Variants in OPCML observed in about 807,000 individuals in gnomAD.
OPCML encodes the protein opioid-binding protein/cell adhesion molecule.
In OPCML, 13 loss-of-function variants were observed where a neutral mutation model predicts 37.8. The observed-to-expected ratio is 0.34, with a 90% CI of 0.22 to 0.55. The LOEUF (loss-of-function observed/expected upper bound fraction) is 0.55. Ranked by LOEUF, OPCML falls within the 20% of genes least tolerant of loss-of-function variation. The pLI, the probability that OPCML is intolerant of heterozygous loss-of-function variation, is 0.91. For missense variants in OPCML, 341 were observed against 435.6 expected (o/e 0.78, Z 1.93); for synonymous variants, 176 against 168.8 (o/e 1.04, Z -0.33).
intron 2 of OPCML, among the ~76,000 whole-genome samples, chr11:132,811,248 A>G (rs117628837): frequency 0.016 from 2,437 of 152,276 alleles, 26 homozygotes; most frequent in Middle Eastern, 0.027. Context: ...TATTCTCTCC[A>G]TTAAAATCCT....
chr11:133,098,302 G>C (rs567521059), intron 1 of OPCML, among the ~76,000 whole-genome samples: 1 of 146,534 alleles, frequency 6.8e-6, no homozygotes, highest in Non-Finnish European at 1.5e-5. Context: ...TGCAAGCTCT[G>C]CCTCCCGCGT....
At chr11:132,969,108 C>T (rs1377609087) in intron 1 of OPCML, among the ~76,000 whole-genome samples, 2 of 151,938 alleles carry the variant, frequency 1.3e-5, no homozygotes, top group African/African-American at 4.8e-5. Context: ...CACCCCCCTC[C>T]CACCCTTCCC....
intron 1 of OPCML, among the ~76,000 whole-genome samples, chr11:132,992,373 A>C (rs571327529): frequency 2.0e-5 from 3 of 152,350 alleles, no homozygotes; most frequent in African/African-American, 7.2e-5. Flanking sequence ...GAGAAGAAAG[A>C]GAAACTCCTA....
intron 1 of OPCML, among the ~76,000 whole-genome samples, chr11:133,256,340 T>C (rs2136445660): frequency 6.6e-6 from 1 of 152,360 alleles, no homozygotes; most frequent in South Asian, 2.1e-4. Context: ...AATAATACCT[T>C]CCTTGTAGGA....
chr11:133,127,559 G>A (rs1054613731), intron 1 of OPCML, among the ~76,000 whole-genome samples: 1 of 151,932 alleles, frequency 6.6e-6, no homozygotes, highest in Admixed American at 6.6e-5. Flanking sequence ...CTTGAGCCCG[G>A]GAGGTGGAGG....
At chr11:132,641,017 A>G (rs1940822589) in intron 3 of OPCML, among the ~76,000 whole-genome samples, 1 of 152,190 alleles carries the variant, frequency 6.6e-6, no homozygotes, top group African/African-American at 2.4e-5. Context: ...GGATTGTTCC[A>G]GTATCCTCTG....
intron 1 of OPCML, among the ~76,000 whole-genome samples, chr11:133,141,729 A>G (rs1300855812): frequency 6.6e-6 from 1 of 152,188 alleles, no homozygotes; most frequent in African/African-American, 2.4e-5. Flanking sequence ...GCATATCTGA[A>G]GCTAAAATTA....
rs1555193663 is a variant in OPCML, at chr11:132,818,587, T to TTAGATAGA, written c.146+124331_146+124338dup. Among the ~76,000 whole-genome samples the TTAGATAGA allele has an allele frequency of 2.2e-5, 3 of 138,030 alleles. 1 individual carries two copies. Among genetic ancestry groups the TTAGATAGA allele is most frequent in the Admixed American group, 1.5e-4 (2 of 13,098 alleles). 90.6% of individuals were successfully genotyped at this position (138,030 alleles called of 152,430 possible). On this transcript the variant is annotated intron_variant, in intron 2 of 7. Transcript: ENST00000524381. ...CAATTCCCTAAAACCTCTCTCTCTC[T>TTAGATAGA]TAGATAGATAGATAGATAGATGATA...
intron 1 of OPCML, among the ~76,000 whole-genome samples, chr11:132,972,808 C>T (rs1177887162): frequency 1.3e-5 from 2 of 152,194 alleles, no homozygotes; most frequent in Admixed American, 6.5e-5. Context: ...TGGGAAACCG[C>T]AGCCCCCTGC....
intron 1 of OPCML, among the ~76,000 whole-genome samples, chr11:133,238,589 G>A (rs1013922226): frequency 6.6e-6 from 1 of 152,094 alleles, no homozygotes; most frequent in African/African-American, 2.4e-5. Context: ...TTGTGCTCCA[G>A]TGTCCTACCC....
Position 132,508,845 on chromosome 11 carries a change from A to T in OPCML, c.505+20216T>A, listed in dbSNP as rs1271004310. ...GGGTATGTCTTTATCAGCAGCGTGA[A>T]AATGGACTAATACAGTAAATTGGTA... On this transcript the variant is annotated intron_variant, in intron 4 of 7. Coordinates refer to ENST00000524381, the MANE Select transcript of OPCML (RefSeq NM_001012393.5). 3.9e-5 allele frequency among the ~76,000 whole-genome samples: 6 copies of T among 152,198 alleles called. No homozygotes were observed. In the South Asian group the frequency reaches 8.3e-4, roughly 21 times the overall value.
At chr11:133,439,193 G>A (rs2136934038) in intron 1 of OPCML, 1 of 736,196 alleles carries the variant, frequency 1.4e-6, no homozygotes, top group East Asian at 1.3e-4. Context: ...AGTCTTGTGG[G>A]ACTGAGCCCT....
Position 133,451,697 on chromosome 11 carries a change from G to A in OPCML, c.61+80567C>T, listed in dbSNP as rs140935784. ...GTCTCTACTAAAAATACAAAAATTC[G>A]CTGGGTGTGGTGGCGGGTGCCTGTA... On this transcript the variant is annotated intron_variant, in intron 1 of 7. Coordinates refer to ENST00000524381, the MANE Select transcript of OPCML (RefSeq NM_001012393.5). 9.3e-5 allele frequency among the ~76,000 whole-genome samples: 14 copies of A among 151,338 alleles called. No individual in the cohort carries two copies. The East Asian group carries it at 1.2e-3, about 13-fold the overall frequency.
intron 2 of OPCML, among the ~76,000 whole-genome samples, chr11:132,785,253 C>G (rs985491779): frequency 6.6e-6 from 1 of 152,200 alleles, no homozygotes; most frequent in East Asian, 1.9e-4. Flanking sequence ...TTACGTACTT[C>G]TCAGAGCAGT....
chr11:133,203,916 G>A (rs1482466241), intron 1 of OPCML, among the ~76,000 whole-genome samples: 1 of 151,922 alleles, frequency 6.6e-6, no homozygotes, highest in African/African-American at 2.4e-5. Context: ...AAATTAGCCA[G>A]GCATGGTGGT....
rs1040585558 is a variant in OPCML, at chr11:133,173,265, T to A, written c.62-230255A>T. Among the ~76,000 whole-genome samples the A allele has an allele frequency of 6.6e-6, 1 of 152,250 alleles. No homozygotes were observed. The highest frequency in any genetic ancestry group is 2.4e-5 in the African/African-American group (1 of 41,470). The stretch of plus-strand genomic sequence containing the variant: ...CTGTGAAGCATTTCTCAGAATGTTA[T>A]CATTAACATTGTTACAGCTATAATA... On this transcript the variant is annotated intron_variant, in intron 1 of 7. Transcript: ENST00000524381. The surrounding 1 kb of genome is among the most constrained non-coding windows in gnomAD (Gnocchi z 7.8).
At chr11:133,005,382 A>G (rs1947089410) in intron 1 of OPCML, 5 of 985,368 alleles carry the variant, frequency 5.1e-6, no homozygotes, top group African/African-American at 3.5e-5. Flanking sequence ...CGTTTCTCAG[A>G]TATCTGTCTA....
At chr11:132,895,763 C>A (rs1418207367) in intron 2 of OPCML, among the ~76,000 whole-genome samples, 1 of 152,080 alleles carries the variant, frequency 6.6e-6, no homozygotes, top group Non-Finnish European at 1.5e-5. Context: ...CTCCATGAGG[C>A]AGTTGCCAAG....
intron 3 of OPCML, among the ~76,000 whole-genome samples, chr11:132,655,879 T>A (rs572927718): frequency 1.7e-3 from 240 of 144,656 alleles, no homozygotes; most frequent in East Asian, 0.012. Flanking sequence ...TTTTTTTTTT[T>A]AAATCAGAGA....
Sources: gnomAD v4.1 joint callset for allele counts (sites outside exome capture counted in the v4.1 genomes callset) on GRCh38, gnomAD v4.1.1 for gene constraint, Gnocchi (gnomAD v3.1) non-coding constraint, MANE v1.5 for transcripts, NCBI Gene and HGNC (gene_info 2026-07-23, HGNC 2026-07-21) for gene names.